Variants in PARD3 observed in about 807,000 individuals in gnomAD.
The protein encoded by PARD3 is par-3 family cell polarity regulator.
A neutral mutation model predicts 155.4 loss-of-function variants in PARD3; 75 were observed. That is an observed-to-expected ratio of 0.48 (90% confidence interval 0.40 to 0.58). The LOEUF (loss-of-function observed/expected upper bound fraction) is 0.58, where lower values mean the gene tolerates loss of function less well. Among genes scored for constraint, PARD3 ranks in the 20% least tolerant of loss-of-function variants. PARD3 has a pLI of 0.00. For missense variants in PARD3, 1,642 were observed against 1,721.7 expected (o/e 0.95, Z 0.82); for synonymous variants, 576 against 610.5 (o/e 0.94, Z 0.83).
At chr10:34,273,750 T>A (rs1447832869) in intron 21 of PARD3, among the ~76,000 whole-genome samples, 2 of 152,148 alleles carry the variant, frequency 1.3e-5, no homozygotes, top group Non-Finnish European at 2.9e-5. Context: ...GACAGAAAAT[T>A]GTCACATAGC....
intron 2 of PARD3, among the ~76,000 whole-genome samples, chr10:34,613,753 A>G (rs2091067761): frequency 6.6e-6 from 1 of 152,238 alleles, no homozygotes. Flanking sequence ...TCTCGTCCAC[A>G]TTCTCCGGAG....
chr10:34,587,184 C>G (rs1386229923), intron 2 of PARD3, among the ~76,000 whole-genome samples: 4 of 152,094 alleles, frequency 2.6e-5, no homozygotes, highest in Non-Finnish European at 5.9e-5. Context: ...AGGGCAGTGA[C>G]ACAATCTCGA....
intron 15 of PARD3, among the ~76,000 whole-genome samples, chr10:34,343,043 G>C (rs1414668929): frequency 6.6e-6 from 1 of 152,098 alleles, no homozygotes; most frequent in Non-Finnish European, 1.5e-5. Flanking sequence ...TACAGTATTA[G>C]AATATTAGGA....
In PARD3 at chr10:34,160,610, C is replaced by A. The variant is rs620897; in HGVS notation, c.3420-29027G>T. Among the ~76,000 whole-genome samples, 729 of 152,250 alleles carry A rather than the reference C, an allele frequency of 4.8e-3. 4 individuals are homozygous for A. Among genetic ancestry groups the A allele is most frequent in the African/African-American group, 0.016 (679 of 41,548 alleles). Reference sequence around the variant, plus strand: ...CTGTGTTCTTGCATTAAACAAGATGCAGAGATTGCCTTTAAAAGGTATAAT... The same window carrying A: ...CTGTGTTCTTGCATTAAACAAGATGAAGAGATTGCCTTTAAAAGGTATAAT... On this transcript the variant is annotated intron_variant, in intron 22 of 24. Coordinates refer to ENST00000374788, the MANE Select transcript of PARD3 (RefSeq NM_001184785.2).
intron 3 of PARD3, among the ~76,000 whole-genome samples, chr10:34,507,559 A>C (rs2081160052): frequency 6.6e-6 from 1 of 151,838 alleles, no homozygotes; most frequent in Admixed American, 6.6e-5. Flanking sequence ...AAAAAAAAAA[A>C]AACAAAAAAG....
chr10:34,731,604 T>G lies in PARD3; in HGVS notation c.121-35185A>C, dbSNP rs563613700. Among the ~76,000 whole-genome samples the G allele has an allele frequency of 7.9e-4, 121 of 152,334 alleles. 1 individual carries two copies. The highest frequency in any genetic ancestry group is 2.9e-3 in the African/African-American group (119 of 41,584). On this transcript the variant is annotated intron_variant, in intron 1 of 24. Transcript: ENST00000374788. ...TTAAAATCACAGAACTTAAAGGGATTGCAAAGACTCTAGAGGTCACCAACA... is the reference window on the plus strand; with the variant it reads ...TTAAAATCACAGAACTTAAAGGGATGGCAAAGACTCTAGAGGTCACCAACA...
At position 34,467,329 on chromosome 10, in the gene PARD3, T is replaced by TTGTGTGTGTGTG. The variant is rs61218571; in HGVS notation, c.582+2744_582+2755dup. Among the ~76,000 whole-genome samples the TTGTGTGTGTGTG allele has an allele frequency of 1.4e-3, 204 of 147,084 alleles. 1 individual carries two copies. The highest frequency in any genetic ancestry group is 8.8e-3 in the South Asian group (40 of 4,564). ...TATATGAACATAGCATGACTCCAACTTGTGTGTGTGTGTGTGTGTGTGTGT... is the reference window on the plus strand; with the variant it reads ...TATATGAACATAGCATGACTCCAACTTGTGTGTGTGTGTGTGTGTGTGTGTGTGTGTGTGTGT... On this transcript the variant is annotated intron_variant, in intron 4 of 24. Transcript: ENST00000374788.
At chr10:34,156,397 A>T (rs1949006286) in intron 22 of PARD3, among the ~76,000 whole-genome samples, 1 of 152,150 alleles carries the variant, frequency 6.6e-6, no homozygotes, top group African/African-American at 2.4e-5. Context: ...ATGCCTGGCC[A>T]TGAATCTCAT....
chr10:34,542,234 T>TGTGCGCAC lies in PARD3; in HGVS notation c.223-25076_223-25075insGTGCGCAC, dbSNP rs1554889665. Among the ~76,000 whole-genome samples the TGTGCGCAC allele has an allele frequency of 2.0e-3, 291 of 146,298 alleles. 2 individuals carry two copies. The highest frequency in any genetic ancestry group is 3.6e-3 in the Non-Finnish European group (242 of 66,856). ...GTGTGTGTGTGTGTGTGTGTGTGTG[T>TGTGCGCAC]GTGTGCACACACACACACGCTTGCA... On this transcript the variant is annotated intron_variant, in intron 2 of 24. Transcript: ENST00000374788.
chr10:34,641,540 G>C (rs2092679107), intron 2 of PARD3, among the ~76,000 whole-genome samples: 1 of 152,196 alleles, frequency 6.6e-6, no homozygotes, highest in Non-Finnish European at 1.5e-5. Context: ...AAAAATCTCA[G>C]GGCCTGGAGG....
At chr10:34,604,159 C>T (rs1296798056) in intron 2 of PARD3, among the ~76,000 whole-genome samples, 1 of 152,098 alleles carries the variant, frequency 6.6e-6, no homozygotes, top group Non-Finnish European at 1.5e-5. Context: ...TGTTAGTCTT[C>T]CCAGTTTTCG....
At chr10:34,596,236 C>CTTT (rs397844990) in intron 2 of PARD3, among the ~76,000 whole-genome samples, 3 of 147,664 alleles carry the variant, frequency 2.0e-5, no homozygotes, top group East Asian at 2.0e-4. Context: ...CAAATTTTTA[C>CTTT]TTTTTTTTTT....
chr10:34,659,080 G>A (rs149368547), intron 2 of PARD3, among the ~76,000 whole-genome samples: 33 of 152,176 alleles, frequency 2.2e-4, no homozygotes, highest in East Asian at 1.9e-3. Flanking sequence ...ACACAGTACT[G>A]GCTTGGTACA....
At chr10:34,459,567 A>G (rs1415078757) in intron 4 of PARD3, among the ~76,000 whole-genome samples, 5 of 152,198 alleles carry the variant, frequency 3.3e-5, no homozygotes, top group Admixed American at 6.5e-5. Context: ...TACTATGCAC[A>G]ATACAAAAAG....
At chr10:34,407,675 A>T (rs1844634855) in intron 5 of PARD3, among the ~76,000 whole-genome samples, 1 of 152,122 alleles carries the variant, frequency 6.6e-6, no homozygotes, top group Non-Finnish European at 1.5e-5. Flanking sequence ...CTCATGCAGA[A>T]ATTGGAAAAG....
intron 3 of PARD3, among the ~76,000 whole-genome samples, chr10:34,514,362 T>C (rs2081578175): frequency 6.6e-6 from 1 of 152,342 alleles, no homozygotes; most frequent in Middle Eastern, 3.4e-3. Context: ...AGCTCCTTGA[T>C]AGCAAGCGCC....
At chr10:34,680,866 G>A (rs1301624359) in intron 2 of PARD3, among the ~76,000 whole-genome samples, 7 of 149,614 alleles carry the variant, frequency 4.7e-5, no homozygotes, top group African/African-American at 1.5e-4. Flanking sequence ...GATAGCATTG[G>A]GAGATATACC....
chr10:34,359,486 G>A (rs1452271864), intron 13 of PARD3, among the ~76,000 whole-genome samples, 169 bp from the exon 14 acceptor site: 1 of 151,252 alleles, frequency 6.6e-6, no homozygotes, highest in Non-Finnish European at 1.5e-5. Context: ...TAACGTCTAA[G>A]CAGCTATTGT....
intron 2 of PARD3, among the ~76,000 whole-genome samples, chr10:34,545,625 G>A (rs1265615363): frequency 6.6e-6 from 1 of 152,144 alleles, no homozygotes; most frequent in East Asian, 1.9e-4. Flanking sequence ...CACAATCTCG[G>A]CTCACTGCAA....
Sources: allele counts gnomAD v4.1 joint callset (sites outside exome capture counted in the v4.1 genomes callset), GRCh38; gene constraint gnomAD v4.1.1; transcripts MANE v1.5; gene names NCBI Gene and HGNC (gene_info 2026-07-23, HGNC 2026-07-21).